HSPA12A: variants seen among roughly 807,000 people sequenced by gnomAD.
HSPA12A encodes the protein heat shock 70 kDa protein 12A.
HSPA12A carries 28 observed loss-of-function variants against 69.2 expected under a neutral mutation model. That is an observed-to-expected ratio of 0.40 (90% confidence interval 0.30 to 0.55). HSPA12A has a LOEUF of 0.55. Among genes scored for constraint, HSPA12A ranks in the 20% least tolerant of loss-of-function variants. The pLI is 0.38. For missense variants in HSPA12A, 686 were observed against 900.7 expected, an observed-to-expected ratio of 0.76 and a Z score of 3.05; for synonymous variants, 345 against 370.5, an observed-to-expected ratio of 0.93 and a Z score of 0.79.
At chr10:116,818,878 AGT>A (rs1845356432) in intron 2 of HSPA12A, among the ~76,000 whole-genome samples, 2 of 152,168 alleles carry the variant, frequency 1.3e-5, no homozygotes, top group African/African-American at 4.8e-5. Context: ...AACACATTGC[AGT>A]GTGTCTCCAG....
chr10:116,833,734 T>C (rs1688656000), intron 2 of HSPA12A, among the ~76,000 whole-genome samples: 1 of 152,210 alleles, frequency 6.6e-6, no homozygotes, highest in South Asian at 2.1e-4. Context: ...TCGGGATGCT[T>C]TCATGGTTTT....
At chr10:116,709,559 T>G (rs1485894180) in intron 1 of HSPA12A, among the ~76,000 whole-genome samples, 1 of 151,978 alleles carries the variant, frequency 6.6e-6, no homozygotes, top group Non-Finnish European at 1.5e-5. Flanking sequence ...ATAACATAGG[T>G]GAACCTAGAA....
chr10:116,847,921 G>T (rs1374846219), intron 1 of HSPA12A, among the ~76,000 whole-genome samples: 1 of 152,198 alleles, frequency 6.6e-6, no homozygotes, highest in African/African-American at 2.4e-5. Flanking sequence ...TGGGGAAAGA[G>T]TTCAGAAGGA....
At chr10:116,742,710 GAAC>G, upstream of HSPA12A, 2 of 594,870 alleles carry the variant, frequency 3.4e-6, no homozygotes, top group South Asian at 1.5e-4. Context: ...CGGGCGCGGG[GAAC>G]TGCCTGGCTC....
intron 5 of HSPA12A, among the ~76,000 whole-genome samples, chr10:116,692,735 T>C (rs1849772299): frequency 6.6e-6 from 1 of 152,200 alleles, no homozygotes; most frequent in African/African-American, 2.4e-5. Flanking sequence ...TTCCTAATCA[T>C]GTGACTTTGG....
intron 1 of HSPA12A, among the ~76,000 whole-genome samples, chr10:116,737,756 C>T (rs1554886563): frequency 6.6e-6 from 1 of 152,172 alleles, no homozygotes; most frequent in Non-Finnish European, 1.5e-5. Flanking sequence ...GCTGCCAGGT[C>T]ACGGTCAAGG....
chr10:116,782,431 C>T (rs1272069508), intron 2 of HSPA12A, among the ~76,000 whole-genome samples: 1 of 152,116 alleles, frequency 6.6e-6, no homozygotes, highest in East Asian at 1.9e-4. Flanking sequence ...TTTGTAACAA[C>T]CAAAATCGGG....
chr10:116,735,237 T>C (rs1554886347), intron 1 of HSPA12A, among the ~76,000 whole-genome samples: 1 of 152,272 alleles, frequency 6.6e-6, no homozygotes. Flanking sequence ...AATATAGTTT[T>C]CTAAAGTTTG....
chr10:116,784,286 C>T (rs1844528308), intron 2 of HSPA12A, among the ~76,000 whole-genome samples: 1 of 152,276 alleles, frequency 6.6e-6, no homozygotes, highest in Admixed American at 6.5e-5. Context: ...CTCTCCAAGG[C>T]AGGCCGCTCC....
rs942807099 is a variant in HSPA12A, at chr10:116,701,956, G to C, written c.255-827C>G. On this transcript the variant is annotated intron_variant, in intron 3 of 11. Transcript: ENST00000369209. Reference sequence around the variant, plus strand: ...CAAACTGGGCTAAATGGAGGGAAAGGGAAGCCAGGAGCCTCAGACCTATCC... The same window carrying C: ...CAAACTGGGCTAAATGGAGGGAAAGCGAAGCCAGGAGCCTCAGACCTATCC... Among the ~76,000 whole-genome samples the C allele has an allele frequency of 4.6e-5, 7 of 152,154 alleles. No homozygotes were observed. In the East Asian group the frequency reaches 1.4e-3, roughly 30 times the overall value.
At chr10:116,826,397 T>A (rs576807078) in intron 2 of HSPA12A, among the ~76,000 whole-genome samples, 1 of 152,290 alleles carries the variant, frequency 6.6e-6, no homozygotes, top group South Asian at 2.1e-4. Flanking sequence ...ATTTCTTGAA[T>A]GAACGAATGA....
chr10:116,734,244 G>A (rs1554886176), intron 1 of HSPA12A, among the ~76,000 whole-genome samples: 1 of 151,930 alleles, frequency 6.6e-6, no homozygotes, highest in Non-Finnish European at 1.5e-5. Flanking sequence ...AAGACAGGCA[G>A]TTTGAGACCC....
chr10:116,796,951 C>T (rs1289081344), intron 2 of HSPA12A, among the ~76,000 whole-genome samples: 3 of 151,944 alleles, frequency 2.0e-5, no homozygotes, highest in African/African-American at 7.3e-5. Flanking sequence ...TACTTGGGGC[C>T]CCCTCCATTG....
At chr10:116,816,438 T>G (rs759302285) in intron 2 of HSPA12A, among the ~76,000 whole-genome samples, 2 of 152,234 alleles carry the variant, frequency 1.3e-5, no homozygotes, top group African/African-American at 2.4e-5. Context: ...ATCAATGCAC[T>G]CTTCACCTTT....
chr10:116,850,003 T>G, upstream of HSPA12A: 1 of 611,416 alleles, frequency 1.6e-6, no homozygotes, highest in Non-Finnish European at 2.9e-6. Flanking sequence ...GCCCAGGGGC[T>G]GGCAGGCTTC....
chr10:116,746,322 G>A (rs1363260820), upstream of HSPA12A, among the ~76,000 whole-genome samples: 2 of 152,214 alleles, frequency 1.3e-5, no homozygotes, highest in Admixed American at 6.5e-5. Flanking sequence ...TGTGGAAAGG[G>A]CTGGACATGA....
chr10:116,775,065 C>A (rs782077733), intron 2 of HSPA12A, among the ~76,000 whole-genome samples: 30 of 152,340 alleles, frequency 2.0e-4, no homozygotes, highest in Middle Eastern at 3.4e-3. Context: ...CTGAGTCACT[C>A]TTTATTAGTG....
At chr10:116,846,352 G>GT (rs923401990) in intron 1 of HSPA12A, among the ~76,000 whole-genome samples, 6 of 135,698 alleles carry the variant, frequency 4.4e-5, no homozygotes, top group East Asian at 4.2e-4. Flanking sequence ...TTGTTTTTTT[G>GT]TTTTTTTGTT....
intron 2 of HSPA12A, among the ~76,000 whole-genome samples, chr10:116,834,414 T>C (rs1156320319): frequency 6.6e-6 from 1 of 152,178 alleles, no homozygotes; most frequent in African/African-American, 2.4e-5. Context: ...TCTTTTTACA[T>C]GAATAGTCCA....
Sources: allele counts gnomAD v4.1 joint callset (sites outside exome capture counted in the v4.1 genomes callset), GRCh38; gene constraint gnomAD v4.1.1; transcripts MANE v1.5; gene names NCBI Gene and HGNC (gene_info 2026-07-23, HGNC 2026-07-21).